Variants in CASZ1 observed in about 807,000 individuals in gnomAD.
CASZ1 encodes zinc finger protein castor homolog 1.
A neutral mutation model predicts 135.2 loss-of-function variants in CASZ1; 28 were observed. That is an observed-to-expected ratio of 0.21 (90% confidence interval 0.15 to 0.28). CASZ1 has a LOEUF of 0.28. Among genes scored for constraint, CASZ1 ranks in the 10% least tolerant of loss-of-function variants. The probability of loss-of-function intolerance (pLI) is 1.00; values close to 1 mark genes in which losing one functional copy is unlikely to be tolerated. For synonymous variants in CASZ1, 1,068 were observed against 1,073.4 expected (o/e 0.99, Z 0.10); for missense variants, 2,161 against 2,453.3 (o/e 0.88, Z 2.52).
chr1:10,677,956 G>A (rs772506898), intron 4 of CASZ1, among the ~76,000 whole-genome samples: 14 of 152,308 alleles, frequency 9.2e-5, no homozygotes, highest in Non-Finnish European at 1.3e-4. Context: ...GGCTGGCTGC[G>A]TGGCCTGGCT....
In CASZ1 at chr1:10,657,632, G is replaced by T. The variant is rs911888190; in HGVS notation, c.1409+876C>A. 2.6e-5 allele frequency among the ~76,000 whole-genome samples: 4 copies of T among 152,070 alleles called. No homozygotes were observed. Among genetic ancestry groups the T allele is most frequent in the African/African-American group, 4.8e-5 (2 of 41,376 alleles). The stretch of plus-strand genomic sequence containing the variant: ...TGAAGACAGAGTGGGACAGGGGGGC[G>T]GAGACAGTGGGATGGGGGTGGACAG... On this transcript the variant is annotated intron_variant, in intron 7 of 20. Transcript: ENST00000377022. This position sits in a 1 kb window ranked among gnomAD's most constrained non-coding sequence, Gnocchi z 5.7.
intron 20 of CASZ1, among the ~76,000 whole-genome samples, chr1:10,640,965 C>T (rs1239033241): frequency 6.6e-6 from 1 of 152,196 alleles, no homozygotes; most frequent in Non-Finnish European, 1.5e-5. Flanking sequence ...TCCTGGCTCC[C>T]CACGCCACCC....
chr1:10,752,042 C>T (rs950254974), intron 2 of CASZ1, among the ~76,000 whole-genome samples: 1 of 152,198 alleles, frequency 6.6e-6, no homozygotes, highest in Admixed American at 6.5e-5. Flanking sequence ...TCCCTGCCCG[C>T]AGTGACAGCC....
intron 2 of CASZ1, among the ~76,000 whole-genome samples, chr1:10,750,834 G>A (rs1175120022): frequency 6.6e-6 from 1 of 152,086 alleles, no homozygotes; most frequent in Non-Finnish European, 1.5e-5. Context: ...GGAAGGCAGA[G>A]GTTGCAGTGA....
chr1:10,730,297 G>C (rs901678053), intron 2 of CASZ1, among the ~76,000 whole-genome samples: 42 of 152,198 alleles, frequency 2.8e-4, no homozygotes, highest in African/African-American at 8.9e-4. Context: ...GCCTCCCAAA[G>C]TGCTGGGATT....
In CASZ1 at chr1:10,757,842, C is replaced by T. The variant is rs1640288465; in HGVS notation, c.-77+2859G>A. Among the ~76,000 whole-genome samples, 1 of 152,058 alleles carries T rather than the reference C, an allele frequency of 6.6e-6. No homozygotes were observed. The highest frequency in any genetic ancestry group is 6.6e-5 in the Admixed American group (1 of 15,258). On this transcript the variant is annotated intron_variant, in intron 2 of 20. Transcript: ENST00000377022. This position sits in a 1 kb window ranked among gnomAD's most constrained non-coding sequence, Gnocchi z 4.6. The stretch of plus-strand genomic sequence containing the variant: ...ACATCACTTTACCTCTGGCTCAAAA[C>T]CCTCCAGCGGCTTCCTATCACCTAA...
chr1:10,683,414 G>A (rs575938258), intron 4 of CASZ1, among the ~76,000 whole-genome samples: 1 of 152,138 alleles, frequency 6.6e-6, no homozygotes, highest in Non-Finnish European at 1.5e-5. Context: ...AGTTTATCAC[G>A]TGGAGTTCCC....
At position 10,694,420 on chromosome 1, in the gene CASZ1, C is replaced by T; in HGVS notation, c.-23-508G>A. ...TTGTTTTAAAGCCCTGATGTCATTG[C>T]TCCTGCCGGTAACACTCAGGGTAAC... On this transcript the variant is annotated intron_variant, in intron 3 of 20. Coordinates refer to ENST00000377022, the MANE Select transcript of CASZ1 (RefSeq NM_001079843.3). This position sits in a 1 kb window ranked among gnomAD's most constrained non-coding sequence, Gnocchi z 6.6. The T allele has an allele frequency of 1.6e-6, 1 of 606,484 alleles. No homozygotes were observed. The highest frequency in any genetic ancestry group is 2.2e-6 in the Non-Finnish European group (1 of 445,530). 37.6% of individuals were successfully genotyped at this position (606,484 alleles called of 1,614,324 possible).
intron 1 of CASZ1, among the ~76,000 whole-genome samples, chr1:10,781,581 T>C (rs1640763252): frequency 1.3e-5 from 2 of 152,222 alleles, no homozygotes; most frequent in Non-Finnish European, 1.5e-5. Flanking sequence ...TTGGCGAACA[T>C]GCTCCAACAG....
intron 1 of CASZ1, among the ~76,000 whole-genome samples, chr1:10,761,767 C>A (rs1375549833): frequency 3.9e-5 from 6 of 152,208 alleles, no homozygotes; most frequent in Non-Finnish European, 4.4e-5. Context: ...AAACACACAA[C>A]CCGATCTCGG....
Position 10,665,097 on chromosome 1 carries a change from G to A in CASZ1, c.491C>T (p.Thr164Ile), listed in dbSNP as rs201252313. ...CAGGCACCCACCTGAAGCCTGCCTGGTGCTGGGGCCGCTGTCCTCCTTGGA... is the reference window on the plus strand; with the variant it reads ...CAGGCACCCACCTGAAGCCTGCCTGATGCTGGGGCCGCTGTCCTCCTTGGA... ...AASKEDSGPS[T>I]RQASGEASSL... Residue 164 changes from threonine (T) to isoleucine (I), a missense_variant, in exon 5 of 21, where the codon ACC becomes ATC. Coordinates refer to ENST00000377022, the MANE Select transcript of CASZ1 (RefSeq NM_001079843.3). 5.1e-5 allele frequency: 77 copies of A among 1,506,700 alleles called. No individual in the cohort carries two copies. Among genetic ancestry groups the A allele is most frequent in the Non-Finnish European group, 3.5e-6 (4 of 1,127,708 alleles). 93.3% of individuals were successfully genotyped at this position (1,506,700 alleles called of 1,614,324 possible). A position where few individuals can be genotyped will look rare whatever the true frequency, so the allele number is the denominator to read the frequency against.
chr1:10,761,776 G>A (rs1004475809), intron 1 of CASZ1, among the ~76,000 whole-genome samples: 4 of 152,146 alleles, frequency 2.6e-5, no homozygotes, highest in Non-Finnish European at 4.4e-5. Flanking sequence ...ACCCGATCTC[G>A]GCGTACGACC....
rs923159948 is a variant in CASZ1, at chr1:10,720,903, G to A, written c.-76-15359C>T. Among the ~76,000 whole-genome samples, 1 of 152,198 alleles carries A rather than the reference G, an allele frequency of 6.6e-6. No homozygotes were observed. Among genetic ancestry groups the A allele is most frequent in the Non-Finnish European group, 1.5e-5 (1 of 68,028 alleles). On this transcript the variant is annotated intron_variant, in intron 2 of 20. Coordinates refer to ENST00000377022, the MANE Select transcript of CASZ1 (RefSeq NM_001079843.3). This position sits in a 1 kb window ranked among gnomAD's most constrained non-coding sequence, Gnocchi z 5.7. The stretch of plus-strand genomic sequence containing the variant: ...GGCCCAGCCAAGGGCTCCAGGACAC[G>A]AGGTGGACACCCGACCTCATGCCCT...
intron 4 of CASZ1, among the ~76,000 whole-genome samples, chr1:10,678,267 G>A (rs1175762981): frequency 2.0e-5 from 3 of 152,236 alleles, no homozygotes; most frequent in African/African-American, 7.2e-5. Flanking sequence ...GACATGAGGG[G>A]ACTAATTTAG....
chr1:10,693,661 C>T (rs1489780501), intron 4 of CASZ1, among the ~76,000 whole-genome samples: 4 of 152,166 alleles, frequency 2.6e-5, no homozygotes, highest in Non-Finnish European at 5.9e-5. Flanking sequence ...ACAAGCATCA[C>T]ATTAGTCACA....
intron 4 of CASZ1, among the ~76,000 whole-genome samples, chr1:10,682,232 A>G (rs1638445828): frequency 6.6e-6 from 1 of 152,108 alleles, no homozygotes; most frequent in South Asian, 2.1e-4. Context: ...AGGCTGTGAG[A>G]TCAGGACCCA....
intron 15 of CASZ1, 160 bp downstream of exon 15, chr1:10,648,910 A>G: frequency 4.1e-6 from 4 of 965,490 alleles, no homozygotes; most frequent in Non-Finnish European, 6.1e-6. Context: ...TGTGTGAAGG[A>G]GGATGGGAAG....
chr1:10,686,189 A>G (rs927110367), intron 4 of CASZ1, among the ~76,000 whole-genome samples: 1 of 151,522 alleles, frequency 6.6e-6, no homozygotes, highest in African/African-American at 2.4e-5. Flanking sequence ...GAACCACTGT[A>G]CTCTTCCCTC....
At chr1:10,691,151 T>TA (rs1208862844) in intron 4 of CASZ1, among the ~76,000 whole-genome samples, 2 of 144,612 alleles carry the variant, frequency 1.4e-5, no homozygotes, top group African/African-American at 5.0e-5. Context: ...CAAACTCTCC[T>TA]AATCTTCCGT....
Sources: allele counts gnomAD v4.1 joint callset (sites outside exome capture counted in the v4.1 genomes callset), GRCh38; gene constraint gnomAD v4.1.1; non-coding constraint Gnocchi (gnomAD v3.1); transcripts MANE v1.5; gene names NCBI Gene and HGNC (gene_info 2026-07-23, HGNC 2026-07-21).